Variants in CALCB observed in about 807,000 individuals in gnomAD.
The protein encoded by CALCB is calcitonin related polypeptide beta, also known as calcitonin gene-related peptide 2.
CALCB carries 8 observed loss-of-function variants against 10.7 expected under a neutral mutation model. The ratio of observed to expected loss-of-function variants is 0.75; its 90% CI spans 0.44 to 1.34. The LOEUF is 1.34. Ranked by LOEUF, CALCB falls within the 40% of genes most tolerant of loss-of-function variation. The pLI, the probability that CALCB is intolerant of heterozygous loss-of-function variation, is 0.01. For synonymous variants in CALCB, 76 were observed against 66.9 expected, an observed-to-expected ratio of 1.14 and a Z score of -0.66; for missense variants, 176 against 162.5, an observed-to-expected ratio of 1.08 and a Z score of -0.45.
intron 2 of CALCB, 55 bp downstream of exon 2, chr11:15,074,859 A>G: frequency 2.0e-6 from 3 of 1,521,602 alleles, no homozygotes; most frequent in Non-Finnish European, 2.7e-6. Context: ...CTAGGACCAG[A>G]CAGCTCTGTG....
At chr11:15,075,934 G>T (rs1850389947) in intron 3 of CALCB, among the ~76,000 whole-genome samples, 3 of 152,010 alleles carry the variant, frequency 2.0e-5, no homozygotes, top group African/African-American at 7.3e-5. Context: ...GAGCATGAAG[G>T]GCTGAACATC....
In CALCB at chr11:15,075,044, T is replaced by C; in HGVS notation, c.87-17T>C. ...CAGGGGCTCACAGCCTGCAAGGAGT[T>C]TGCTTCCCTTCCACAGGTCTGCCCT... On this transcript the variant is annotated splice_polypyrimidine_tract_variant and intron_variant, in intron 2 of 4. Transcript: ENST00000324229. The C allele has an allele frequency of 6.2e-7, 1 of 1,614,054 alleles. No homozygotes were observed. Among genetic ancestry groups the C allele is most frequent in the East Asian group, 2.2e-5 (1 of 44,876 alleles).
chr11:15,074,302 C>T (rs1850374246), intron 1 of CALCB, among the ~76,000 whole-genome samples: 3 of 152,236 alleles, frequency 2.0e-5, no homozygotes, highest in African/African-American at 7.2e-5. Flanking sequence ...ACCCTTCCCA[C>T]CTTCCCCTCG....
At position 15,078,574 on chromosome 11, in the gene CALCB, G is replaced by T. The variant is rs921055076; in HGVS notation, c.*517G>T. ...AAACCTTGGTGATGCATTACAACTT[G>T]TTTTCTTATGTAATAATAATGATGA... On this transcript the variant is annotated 3_prime_UTR_variant, in exon 5 of 5. Coordinates refer to ENST00000324229, the MANE Select transcript of CALCB (RefSeq NM_000728.4). 6.6e-6 allele frequency: 1 copy of T among 152,054 alleles called. No homozygotes were observed. Among genetic ancestry groups the T allele is most frequent in the African/African-American group, 2.4e-5 (1 of 41,392 alleles). The allele number at this position is 152,054 out of a possible 1,614,324, so 9.4% of individuals were successfully genotyped here.
intron 1 of CALCB, among the ~76,000 whole-genome samples, 197 bp from the exon 2 acceptor site, chr11:15,074,513 C>CT (rs1850376065): frequency 1.3e-5 from 2 of 152,174 alleles, no homozygotes; most frequent in Admixed American, 6.5e-5. Context: ...CCTAGGACAC[C>CT]TTTTTCCGCT....
At chr11:15,077,510 C>T in intron 4 of CALCB, 40 bp downstream of exon 4, 1 of 1,583,726 alleles carries the variant, frequency 6.3e-7, no homozygotes. Context: ...GGGGAAGGGA[C>T]TTGGAGTTAA....
intron 1 of CALCB, 89 bp from the exon 2 acceptor site, chr11:15,074,621 T>A: frequency 1.0e-6 from 1 of 963,048 alleles, no homozygotes; most frequent in Non-Finnish European, 1.6e-6. Context: ...TGAAGTAACG[T>A]GCCTAAGGTC....
At chr11:15,077,240 C>G (rs760548257) in intron 3 of CALCB, 46 bp from the exon 4 acceptor site, 1 of 1,602,236 alleles carries the variant, frequency 6.2e-7, no homozygotes. Context: ...CCTCCCCCAG[C>G]TTTTCACTCA....
rs1411753118 is a variant in CALCB, at chr11:15,077,406, C to G, written c.345C>G (p.Ser115=). 2 of 1,614,244 alleles carry G rather than the reference C, an allele frequency of 1.2e-6. No individual in the cohort carries two copies. The highest frequency in any genetic ancestry group is 8.5e-7 in the Non-Finnish European group (1 of 1,180,054). ...ACTTCGTGCCCACCAATGTGGGTTCCAAAGCCTTTGGCAGGCGCCGCAGGG... is the reference window on the plus strand; with the variant it reads ...ACTTCGTGCCCACCAATGTGGGTTCGAAAGCCTTTGGCAGGCGCCGCAGGG... The part of the protein sequence containing the change: ...KSNFVPTNVG[S]KAFGRRRRDL... The change falls in exon 4 of 5, where the codon TCC becomes TCG. Residue 115 remains serine (S), a synonymous_variant. Transcript: ENST00000324229.
In CALCB at chr11:15,074,576, T is replaced by A. The variant is rs530752780; in HGVS notation, c.-9-134T>A. The A allele has an allele frequency of 9.1e-6, 6 of 659,374 alleles. No homozygotes were observed. In the African/African-American group the frequency reaches 1.1e-4, roughly 12 times the overall value. 40.8% of individuals were successfully genotyped at this position (659,374 alleles called of 1,614,324 possible). A position where few individuals can be genotyped will look rare whatever the true frequency, so the allele number is the denominator to read the frequency against. On this transcript the variant is annotated intron_variant, in intron 1 of 4. Coordinates refer to ENST00000324229, the MANE Select transcript of CALCB (RefSeq NM_000728.4). ...TGTCTCTTGAGATTCACAGCAGCCCTTCCTGCAAATGAAGGGAACAGAGGC... is the reference window on the plus strand; with the variant it reads ...TGTCTCTTGAGATTCACAGCAGCCCATCCTGCAAATGAAGGGAACAGAGGC...
rs781649621 is a variant in CALCB at position 15,077,287 on chromosome 11, T to C, written c.226T>C (p.Ser76Pro). The part of the protein sequence containing the change: ...KQEQETQGSS[S>P]AAQKRACNTA... The stretch of plus-strand genomic sequence containing the variant: ...TTCTTTCTCTATCTTGCAAATCAGC[T>C]CCGCTGCCCAGAAGAGAGCCTGCAA... Residue 76 changes from serine to proline, a missense_variant and splice_region_variant, in exon 4 of 5, where the codon TCC becomes CCC. Transcript: ENST00000324229. 4.3e-6 allele frequency: 7 copies of C among 1,613,420 alleles called. No homozygotes were observed. The South Asian group carries it at 7.7e-5, about 18-fold the overall frequency.
At chr11:15,075,631 G>A (rs1177265899) in intron 3 of CALCB, among the ~76,000 whole-genome samples, 1 of 152,174 alleles carries the variant, frequency 6.6e-6, no homozygotes, top group Admixed American at 6.5e-5. Flanking sequence ...AATTTCACAT[G>A]TGCATGCCAT....
chr11:15,077,253 G>A, intron 3 of CALCB, 33 bp from the exon 4 acceptor site: 1 of 1,609,330 alleles, frequency 6.2e-7, no homozygotes, highest in Non-Finnish European at 8.5e-7. Context: ...TTCACTCACA[G>A]GTCTTCTCTT....
chr11:15,074,891 C>T, intron 2 of CALCB, 87 bp downstream of exon 2: 2 of 1,396,074 alleles, frequency 1.4e-6, no homozygotes, highest in Non-Finnish European at 2.0e-6. Flanking sequence ...ACGCGTGGCT[C>T]CTGGTGAATC....
chr11:15,078,614 A>T lies in CALCB; in HGVS notation c.*557A>T, dbSNP rs1850416807. On this transcript the variant is annotated 3_prime_UTR_variant, in exon 5 of 5. Coordinates refer to ENST00000324229, the MANE Select transcript of CALCB (RefSeq NM_000728.4). ...AATAATGATGATGATGATGATAATA[A>T]TAAATATTTTTGAGTGCTTACTATG... 1 of 152,252 alleles carries T rather than the reference A, an allele frequency of 6.6e-6. No homozygotes were observed. The highest frequency in any genetic ancestry group is 2.4e-5 in the African/African-American group (1 of 41,470). The allele number at this position is 152,252 out of a possible 1,614,324, so 9.4% of individuals were successfully genotyped here. A position where few individuals can be genotyped will look rare whatever the true frequency, so the allele number is the denominator to read the frequency against.
At chr11:15,078,005 C>G (rs778483246) in intron 4 of CALCB, 78 bp from the exon 5 acceptor site, 2 of 152,146 alleles carry the variant, frequency 1.3e-5, no homozygotes, top group Non-Finnish European at 2.9e-5. Flanking sequence ...TCTTCCTTCT[C>G]CTTTTCATCT....
chr11:15,075,334 A>C, intron 3 of CALCB, 136 bp downstream of exon 3: 157 of 1,461,702 alleles, frequency 1.1e-4, no homozygotes, highest in Non-Finnish European at 1.4e-4. Flanking sequence ...TCCCTTTCTC[A>C]AGTTCCAAGG....
intron 2 of CALCB, 76 bp from the exon 3 acceptor site, chr11:15,074,984 AG>A: frequency 6.4e-7 from 1 of 1,571,254 alleles, no homozygotes. Flanking sequence ...AGCAGAGACC[AG>A]GAAGCCTGGC....
intron 4 of CALCB, among the ~76,000 whole-genome samples, chr11:15,077,828 G>A (rs533130300): frequency 1.2e-4 from 19 of 152,228 alleles, no homozygotes; most frequent in Non-Finnish European, 2.5e-4. Flanking sequence ...CTACTACCAA[G>A]ATTAATAGAT....
Sources: gnomAD v4.1 joint callset for allele counts (sites outside exome capture counted in the v4.1 genomes callset) on GRCh38, gnomAD v4.1.1 for gene constraint, MANE v1.5 for transcripts, NCBI Gene and HGNC (gene_info 2026-07-23, HGNC 2026-07-21) for gene names.